The following CRYBG1 variants were observed in gnomAD, a reference collection of about 807,000 sequenced individuals.
The protein encoded by CRYBG1 is crystallin beta-gamma domain containing 1.
A neutral mutation model predicts 189.2 loss-of-function variants in CRYBG1; 139 were observed. The observed-to-expected ratio is 0.73, with a 90% CI of 0.64 to 0.85. CRYBG1 has a LOEUF of 0.85. CRYBG1 is among the 40% of genes least tolerant of loss of function. The probability of loss-of-function intolerance (pLI) is 0.00; values close to 1 mark genes in which losing one functional copy is unlikely to be tolerated. For missense variants in CRYBG1, 2,611 were observed against 2,675.8 expected (o/e 0.98, Z 0.53); for synonymous variants, 1,023 against 1,017.1 (o/e 1.01, Z -0.11).
chr6:106,400,136 CAAAAAAAAAAA>C (rs11286627), intron 1 of CRYBG1, among the ~76,000 whole-genome samples: 2 of 76,392 alleles, frequency 2.6e-5, no homozygotes, highest in Admixed American at 1.6e-4. Flanking sequence ...GACTCCATCT[CAAAAAAAAAAA>C]AAAAAAAAAA....
intron 1 of CRYBG1, among the ~76,000 whole-genome samples, chr6:106,423,580 C>G (rs17066969): frequency 0.11 from 16,913 of 151,386 alleles, 990 homozygotes; most frequent in East Asian, 0.15. Flanking sequence ...CTCTAGTGAA[C>G]TTTTCCAGTT....
chr6:106,553,210 A>T (rs1774449586), intron 15 of CRYBG1, among the ~76,000 whole-genome samples: 1 of 152,218 alleles, frequency 6.6e-6, no homozygotes, highest in Admixed American at 6.5e-5. Context: ...TTCTATAGAA[A>T]GTTACCTTTG....
intron 2 of CRYBG1, among the ~76,000 whole-genome samples, chr6:106,475,483 C>T (rs910681571): frequency 6.6e-6 from 1 of 152,118 alleles, no homozygotes; most frequent in Non-Finnish European, 1.5e-5. Flanking sequence ...TGGATTGTCA[C>T]AGGCAGATGA....
chr6:106,541,071 T>A, intron 9 of CRYBG1: 1 of 313,762 alleles, frequency 3.2e-6, no homozygotes, highest in Non-Finnish European at 6.4e-6. Context: ...CACATAATAG[T>A]TTCGTAAGCC....
At chr6:106,474,854 A>G (rs1772303358) in intron 2 of CRYBG1, among the ~76,000 whole-genome samples, 1 of 152,212 alleles carries the variant, frequency 6.6e-6, no homozygotes, top group Admixed American at 6.5e-5. Flanking sequence ...ATTAGAACAC[A>G]CTGAGTTTGT....
rs1385195856 is a variant in CRYBG1, at chr6:106,512,314, AGCGGAAGATT to A, written c.1202_1211del (p.Glu401ValfsTer64). ...ACGAGCCGGTCGTGATTACTCCCAG[AGCGGAAGATT>A]GCGGTGACTGGGACGACATGGAGAA... is the stretch of plus-strand genomic sequence containing the variant. On this transcript the variant is annotated frameshift_variant, in exon 3 of 22. Transcript: ENST00000633556. LOFTEE classifies it high-confidence loss of function. The A allele has an allele frequency of 1.2e-6, 2 of 1,603,910 alleles. No individual in the cohort carries two copies. Among genetic ancestry groups the A allele is most frequent in the Admixed American group, 3.4e-5 (2 of 58,428 alleles).
chr6:106,525,616 A>G (rs926023868), intron 6 of CRYBG1, among the ~76,000 whole-genome samples: 8 of 152,246 alleles, frequency 5.3e-5, no homozygotes, highest in Admixed American at 6.5e-5. Flanking sequence ...ACAATACAGT[A>G]GAACAAGCTT....
intron 2 of CRYBG1, among the ~76,000 whole-genome samples, chr6:106,467,463 C>A (rs1033907771): frequency 6.6e-6 from 1 of 151,900 alleles, no homozygotes; most frequent in South Asian, 2.1e-4. Context: ...CAGAGTAAGA[C>A]CCTGTCTCAA....
intron 1 of CRYBG1, among the ~76,000 whole-genome samples, chr6:106,422,731 C>T (rs1195652586): frequency 6.6e-6 from 1 of 152,104 alleles, no homozygotes; most frequent in East Asian, 1.9e-4. Context: ...TCACTCATTC[C>T]ATAATGTTTA....
chr6:106,492,886 C>T (rs76007160), intron 2 of CRYBG1, among the ~76,000 whole-genome samples: 2,956 of 152,058 alleles, frequency 0.019, 93 homozygotes, highest in African/African-American at 0.067. Context: ...ACTCATGTAA[C>T]CATGAGTGTG....
At chr6:106,558,998 C>T (rs962279125) in intron 18 of CRYBG1, among the ~76,000 whole-genome samples, 3 of 150,700 alleles carry the variant, frequency 2.0e-5, no homozygotes, top group African/African-American at 5.0e-5. Context: ...ATTTCTCCCT[C>T]TCTTATATTA....
At chr6:106,515,805 ATTTT>A (rs1379291522) in intron 3 of CRYBG1, among the ~76,000 whole-genome samples, 21 of 126,772 alleles carry the variant, frequency 1.7e-4, no homozygotes, top group African/African-American at 3.9e-4. Flanking sequence ...TTATTTATTT[ATTTT>A]TGAGACAGGA....
intron 2 of CRYBG1, among the ~76,000 whole-genome samples, chr6:106,463,021 G>A (rs1772043638): frequency 6.6e-6 from 1 of 152,160 alleles, no homozygotes; most frequent in Non-Finnish European, 1.5e-5. Context: ...AGGTAAGGTG[G>A]CCCATGCCTG....
At chr6:106,367,734 C>T (rs550097146) in intron 1 of CRYBG1, among the ~76,000 whole-genome samples, 1 of 150,136 alleles carries the variant, frequency 6.7e-6, no homozygotes, top group African/African-American at 2.5e-5. Flanking sequence ...GATGCTGAGA[C>T]AGGAGGATTG....
intron 1 of CRYBG1, among the ~76,000 whole-genome samples, chr6:106,443,577 C>T (rs781148611): frequency 5.3e-5 from 8 of 152,122 alleles, no homozygotes; most frequent in Non-Finnish European, 1.0e-4. Context: ...AGTTCAAATG[C>T]GATGACAAAG....
chr6:106,495,997 A>G (rs1772842065), intron 2 of CRYBG1, among the ~76,000 whole-genome samples: 1 of 152,126 alleles, frequency 6.6e-6, no homozygotes, highest in Non-Finnish European at 1.5e-5. Flanking sequence ...TTCTTTTAAA[A>G]TGTAGGTTAT....
chr6:106,533,255 C>G (rs962467355), intron 8 of CRYBG1, among the ~76,000 whole-genome samples: 1 of 152,210 alleles, frequency 6.6e-6, no homozygotes, highest in Non-Finnish European at 1.5e-5. Flanking sequence ...AGAGAGGAAG[C>G]ACACCATTTG....
rs143117439 is a variant in CRYBG1, at chr6:106,474,924, T to A, written c.312+23092T>A. On this transcript the variant is annotated intron_variant, in intron 2 of 21. Transcript: ENST00000633556. Reference sequence around the variant, plus strand: ...ATGGTATGTGAGCTTCCACTTATGTTCTTATTTCCCTTTTGCCACCAATGT... The same window carrying A: ...ATGGTATGTGAGCTTCCACTTATGTACTTATTTCCCTTTTGCCACCAATGT... 1.1e-3 allele frequency among the ~76,000 whole-genome samples: 174 copies of A among 152,322 alleles called. 1 individual carries two copies. Among genetic ancestry groups the A allele is most frequent in the Admixed American group, 8.3e-3 (127 of 15,302 alleles).
At chr6:106,406,678 CA>C (rs1400040789) in intron 1 of CRYBG1, among the ~76,000 whole-genome samples, 4 of 152,248 alleles carry the variant, frequency 2.6e-5, no homozygotes, top group Non-Finnish European at 5.9e-5. Flanking sequence ...ATCAGACTAA[CA>C]GTGGATCTCT....
Sources: gnomAD v4.1 joint callset for allele counts (sites outside exome capture counted in the v4.1 genomes callset) on GRCh38, gnomAD v4.1.1 for gene constraint, MANE v1.5 for transcripts, NCBI Gene and HGNC (gene_info 2026-07-23, HGNC 2026-07-21) for gene names.